Variants in DAB1 observed in about 807,000 individuals in gnomAD.
DAB1 encodes DAB adaptor protein 1, also known as disabled homolog 1.
DAB1 carries 15 observed loss-of-function variants against 64.6 expected under a neutral mutation model. The ratio of observed to expected loss-of-function variants is 0.23; its 90% CI spans 0.16 to 0.36. The LOEUF (loss-of-function observed/expected upper bound fraction) is 0.36. DAB1 is among the 10% of genes least tolerant of loss of function. The probability of loss-of-function intolerance (pLI) is 1.00; values close to 1 mark genes in which losing one functional copy is unlikely to be tolerated. For missense variants in DAB1, 596 were observed against 706.7 expected (o/e 0.84, Z 1.78); for synonymous variants, 235 against 251.9 (o/e 0.93, Z 0.64).
At chr1:58,402,395 T>C (rs918895895) in intron 3 of DAB1, among the ~76,000 whole-genome samples, 5 of 152,198 alleles carry the variant, frequency 3.3e-5, no homozygotes, top group Admixed American at 6.5e-5. Context: ...GTAATGAAGA[T>C]GGAAGGATTT....
intron 4 of DAB1, among the ~76,000 whole-genome samples, chr1:57,083,763 G>A (rs111517376): frequency 6.6e-5 from 10 of 152,252 alleles, no homozygotes; most frequent in South Asian, 2.1e-4. Context: ...GGTGGTGGTC[G>A]TGACAAACAA....
intron 6 of DAB1, among the ~76,000 whole-genome samples, chr1:57,744,077 A>G (rs1648140235): frequency 6.6e-6 from 1 of 152,194 alleles, no homozygotes; most frequent in Non-Finnish European, 1.5e-5. Flanking sequence ...TAGGGCCATT[A>G]TGGATACGTC....
At chr1:57,061,238 G>T (rs963032934) in intron 9 of DAB1, among the ~76,000 whole-genome samples, 326 of 150,388 alleles carry the variant, frequency 2.2e-3, no homozygotes, top group Non-Finnish European at 3.3e-3. Flanking sequence ...TGGGGGGGGG[G>T]GGTGGTTTCA....
chr1:58,158,982 A>C (rs1464314490), intron 4 of DAB1, among the ~76,000 whole-genome samples: 1 of 152,218 alleles, frequency 6.6e-6, no homozygotes, highest in African/African-American at 2.4e-5. Context: ...CCCCTTTGTG[A>C]ATAACCACAC....
chr1:57,659,144 C>T (rs1373087524), intron 6 of DAB1, among the ~76,000 whole-genome samples: 1 of 152,080 alleles, frequency 6.6e-6, no homozygotes, highest in Non-Finnish European at 1.5e-5. Context: ...GGCCGCCTAC[C>T]ACATGTATCT....
At chr1:58,282,987 C>A (rs1366050911) in intron 4 of DAB1, among the ~76,000 whole-genome samples, 1 of 152,154 alleles carries the variant, frequency 6.6e-6, no homozygotes, top group Non-Finnish European at 1.5e-5. Context: ...GAGTAATACG[C>A]CAGTGACCCA....
intron 7 of DAB1, among the ~76,000 whole-genome samples, chr1:57,508,010 A>T (rs1251842582): frequency 6.6e-6 from 1 of 152,206 alleles, no homozygotes; most frequent in Non-Finnish European, 1.5e-5. Flanking sequence ...GTAGGTATGG[A>T]CTGTGGCCCA....
intron 3 of DAB1, among the ~76,000 whole-genome samples, chr1:58,454,653 A>C (rs1388963773): frequency 6.6e-6 from 1 of 152,016 alleles, no homozygotes; most frequent in Non-Finnish European, 1.5e-5. Context: ...GCTCCCCACC[A>C]CCTGGGGACC....
rs914841629 is a variant in DAB1 at position 57,710,326 on chromosome 1, C to G, written n.552-60661G>C. Reference sequence around the variant, plus strand: ...GGTCAATTTTATTTGTTTAGAGTTTCATACTACGGAATAGTATACAATAAA... The same window carrying G: ...GGTCAATTTTATTTGTTTAGAGTTTGATACTACGGAATAGTATACAATAAA... On this transcript the variant is annotated intron_variant and non_coding_transcript_variant, in intron 6 of 20. Transcript: ENST00000485760. Among the ~76,000 whole-genome samples, 4 of 152,126 alleles carry G rather than the reference C, an allele frequency of 2.6e-5. No homozygotes were observed. In the South Asian group the frequency reaches 8.3e-4, roughly 32 times the overall value.
chr1:58,423,552 C>A (rs776763709), intron 3 of DAB1, among the ~76,000 whole-genome samples: 5 of 152,224 alleles, frequency 3.3e-5, no homozygotes, highest in Non-Finnish European at 7.3e-5. Flanking sequence ...CCAAGCAGAG[C>A]AGCACCAGGG....
At chr1:57,594,759 G>A (rs545570879) in intron 7 of DAB1, among the ~76,000 whole-genome samples, 28 of 152,056 alleles carry the variant, frequency 1.8e-4, no homozygotes, top group Middle Eastern at 3.4e-3. Flanking sequence ...CACCCAGGCC[G>A]GAGTGCAGTG....
intron 3 of DAB1, among the ~76,000 whole-genome samples, chr1:58,381,747 A>G (rs1220371891): frequency 1.3e-5 from 2 of 152,240 alleles, no homozygotes; most frequent in East Asian, 3.8e-4. Flanking sequence ...TGGGTATGTT[A>G]ACTGGGTGAT....
intron 1 of DAB1, among the ~76,000 whole-genome samples, chr1:57,376,642 G>A (rs1680920137): frequency 6.6e-6 from 1 of 152,152 alleles, no homozygotes; most frequent in Non-Finnish European, 1.5e-5. Flanking sequence ...TAGGGACAGG[G>A]ATGACTTTGT....
At chr1:57,170,932 G>A (rs963669226) in intron 2 of DAB1, among the ~76,000 whole-genome samples, 2 of 152,094 alleles carry the variant, frequency 1.3e-5, no homozygotes, top group Admixed American at 1.3e-4. Flanking sequence ...TGCTCTGCAG[G>A]GTCCTGGCTC....
chr1:57,738,793 A>G (rs558180571), intron 6 of DAB1, among the ~76,000 whole-genome samples: 14 of 152,344 alleles, frequency 9.2e-5, no homozygotes, highest in Admixed American at 7.8e-4. Flanking sequence ...TGCTTCCACT[A>G]TATCAATAAC....
At chr1:57,650,092 C>A (rs192623193) in intron 6 of DAB1, among the ~76,000 whole-genome samples, 5 of 152,300 alleles carry the variant, frequency 3.3e-5, no homozygotes, top group Admixed American at 2.0e-4. Flanking sequence ...GTCTTAAAAG[C>A]GATCAGACCC....
chr1:57,571,793 G>A (rs1321693787), intron 7 of DAB1, among the ~76,000 whole-genome samples: 1 of 152,196 alleles, frequency 6.6e-6, no homozygotes, highest in Non-Finnish European at 1.5e-5. Flanking sequence ...CACTGCTAGA[G>A]TAAATTTGGG....
chr1:57,560,023 T>C (rs939891524), intron 7 of DAB1, among the ~76,000 whole-genome samples: 3 of 152,244 alleles, frequency 2.0e-5, no homozygotes, highest in Admixed American at 1.3e-4. Context: ...ATGACTCCAA[T>C]TGCAACTGCT....
Position 57,034,000 on chromosome 1 carries a change from G to A in DAB1, c.724-7957C>T, listed in dbSNP as rs917390588. On this transcript the variant is annotated intron_variant, in intron 9 of 14. Transcript: ENST00000371236. ...CTCTGCCTGAAATGCTCTTCCCCTCGGCCGGGCGCGGTGGCTCACGCCTGT... is the reference window on the plus strand; with the variant it reads ...CTCTGCCTGAAATGCTCTTCCCCTCAGCCGGGCGCGGTGGCTCACGCCTGT... 5.3e-5 allele frequency among the ~76,000 whole-genome samples: 8 copies of A among 152,110 alleles called. No individual in the cohort carries two copies. In the East Asian group the frequency reaches 7.8e-4, roughly 15 times the overall value.
Sources: allele counts gnomAD v4.1 joint callset (sites outside exome capture counted in the v4.1 genomes callset), GRCh38; gene constraint gnomAD v4.1.1; transcripts MANE v1.5; gene names NCBI Gene and HGNC (gene_info 2026-07-23, HGNC 2026-07-21).